The following OMA1 variants were observed in gnomAD, a reference collection of about 807,000 sequenced individuals.
OMA1 encodes the protein metalloendopeptidase OMA1, mitochondrial.
OMA1 carries 38 observed loss-of-function variants against 30.9 expected under a neutral mutation model. The ratio of observed to expected loss-of-function variants is 1.23; its 90% CI spans 0.95 to 1.61. OMA1 has a LOEUF of 1.61. OMA1 is among the 40% of genes most tolerant of loss of function. OMA1 has a pLI of 0.00. For missense variants in OMA1, 461 were observed against 349.2 expected, an observed-to-expected ratio of 1.32 and a Z score of -2.55; for synonymous variants, 173 against 121.9, an observed-to-expected ratio of 1.42 and a Z score of -2.76.
rs2100482681 is a variant in OMA1, at chr1:58,534,327, A to G, written c.734T>C (p.Met245Thr). The change falls in exon 4 of 9, where the codon ATG becomes ACG. Residue 245 changes from methionine (M) to threonine (T), a missense_variant. Met to Thr is a moderately conservative substitution (Grantham distance 81, BLOSUM62 -1). Transcript: ENST00000371226. ...LLSELEYEAW[M>T]EEFKNDMLTE... ...TAGCATATCATTTTTAAATTCTTCCATCCACTGAAAGATTAAAAATTACTT... is the reference window on the plus strand; with the variant it reads ...TAGCATATCATTTTTAAATTCTTCCGTCCACTGAAAGATTAAAAATTACTT... 1.2e-6 allele frequency: 1 copy of G among 844,120 alleles called. No homozygotes were observed. Among genetic ancestry groups the G allele is most frequent in the Non-Finnish European group, 2.0e-6 (1 of 491,840 alleles). 52.3% of individuals were successfully genotyped at this position (844,120 alleles called of 1,614,324 possible).
chr1:58,484,282 A>C (rs1368603900), intron 8 of OMA1, among the ~76,000 whole-genome samples: 2 of 152,120 alleles, frequency 1.3e-5, no homozygotes, highest in Non-Finnish European at 2.9e-5. Flanking sequence ...ACTTTTCTTT[A>C]AAAAAATCTT....
intron 6 of OMA1, among the ~76,000 whole-genome samples, chr1:58,529,497 A>C (rs926104809): frequency 4.6e-5 from 7 of 152,260 alleles, no homozygotes; most frequent in African/African-American, 1.7e-4. Context: ...TAAGCACTAA[A>C]AACAAAAGTT....
chr1:58,489,051 T>A (rs191017037), intron 8 of OMA1, among the ~76,000 whole-genome samples: 27 of 152,204 alleles, frequency 1.8e-4, no homozygotes, highest in Non-Finnish European at 3.4e-4. Context: ...CATTTCCAAC[T>A]GAGGTACTGG....
intron 8 of OMA1, among the ~76,000 whole-genome samples, chr1:58,486,936 T>C (rs1428938927): frequency 1.3e-5 from 2 of 152,214 alleles, no homozygotes; most frequent in Admixed American, 1.3e-4. Context: ...AGCTAGGCAG[T>C]GGCCAAATTA....
intron 8 of OMA1, among the ~76,000 whole-genome samples, chr1:58,494,216 T>C (rs1413392363): frequency 6.6e-6 from 1 of 152,196 alleles, no homozygotes; most frequent in Non-Finnish European, 1.5e-5. Flanking sequence ...GCTAGCCATA[T>C]GGAGAAAGCT....
chr1:58,536,087 G>A (rs1231221089), intron 3 of OMA1, among the ~76,000 whole-genome samples: 1 of 152,150 alleles, frequency 6.6e-6, no homozygotes, highest in Non-Finnish European at 1.5e-5. Context: ...TCTCATGAGT[G>A]CTTTGAAGGA....
At chr1:58,484,785 T>A (rs1645546348) in intron 8 of OMA1, among the ~76,000 whole-genome samples, 1 of 152,152 alleles carries the variant, frequency 6.6e-6, no homozygotes, top group Admixed American at 6.5e-5. Flanking sequence ...CTTAAACGTA[T>A]ATTGCTAAGA....
chr1:58,511,607 T>G (rs1158023879), intron 7 of OMA1, among the ~76,000 whole-genome samples: 1 of 151,890 alleles, frequency 6.6e-6, no homozygotes, highest in African/African-American at 2.4e-5. Context: ...CTAGCCTGGG[T>G]AACAGAGCAA....
chr1:58,528,232 T>C (rs1646381893), intron 6 of OMA1, among the ~76,000 whole-genome samples: 1 of 152,146 alleles, frequency 6.6e-6, no homozygotes, highest in Non-Finnish European at 1.5e-5. Context: ...ATTGATAACA[T>C]AAGGATTTAA....
At chr1:58,507,035 C>G (rs1347780219) in intron 7 of OMA1, among the ~76,000 whole-genome samples, 1 of 151,764 alleles carries the variant, frequency 6.6e-6, no homozygotes, top group Non-Finnish European at 1.5e-5. Context: ...TGTTAACTAC[C>G]CTAAGAATGT....
chr1:58,496,386 G>A (rs894950375), intron 8 of OMA1, among the ~76,000 whole-genome samples: 2 of 152,124 alleles, frequency 1.3e-5, no homozygotes, highest in Admixed American at 6.5e-5. Flanking sequence ...CACTTTCAGT[G>A]CAGTTAAATC....
intron 6 of OMA1, among the ~76,000 whole-genome samples, 194 bp downstream of exon 6, chr1:58,530,407 G>A (rs973743274): frequency 6.6e-6 from 1 of 152,160 alleles, no homozygotes; most frequent in Non-Finnish European, 1.5e-5. Flanking sequence ...TCATTTGAGA[G>A]ATGTAGTATT....
intron 8 of OMA1, among the ~76,000 whole-genome samples, chr1:58,489,241 C>A (rs993740098): frequency 1.3e-5 from 2 of 152,200 alleles, no homozygotes; most frequent in African/African-American, 4.8e-5. Context: ...GTCACTCCCA[C>A]CCTAATACTG....
intron 8 of OMA1, among the ~76,000 whole-genome samples, chr1:58,492,628 C>G (rs1410234723): frequency 6.6e-6 from 1 of 152,172 alleles, no homozygotes; most frequent in Non-Finnish European, 1.5e-5. Context: ...TCAGAGAATA[C>G]TATAAACACC....
At chr1:58,535,558 T>G (rs1646502963) in intron 3 of OMA1, among the ~76,000 whole-genome samples, 1 of 139,258 alleles carries the variant, frequency 7.2e-6, no homozygotes, top group African/African-American at 2.7e-5. Context: ...ATGGCACCAC[T>G]GCAGTACAGC....
intron 8 of OMA1, among the ~76,000 whole-genome samples, chr1:58,482,774 A>T (rs572294043): frequency 6.6e-6 from 1 of 152,162 alleles, no homozygotes; most frequent in Non-Finnish European, 1.5e-5. Context: ...TGCGAGTACA[A>T]GGGAGATGGG....
At chr1:58,542,886 T>A (rs7511732) in intron 1 of OMA1, among the ~76,000 whole-genome samples, 17,692 of 152,148 alleles carry the variant, frequency 0.12, 1,231 homozygotes, top group African/African-American at 0.18. Context: ...CATAAAACAG[T>A]ATTCCGCACA....
chr1:58,495,579 A>G (rs1891435), intron 8 of OMA1, among the ~76,000 whole-genome samples: 17,588 of 134,902 alleles, frequency 0.13, 1,211 homozygotes, highest in Middle Eastern at 0.2. Context: ...ATTTAAACAA[A>G]CAAAACTGTA....
At chr1:58,485,643 AG>A (rs1645564315) in intron 8 of OMA1, among the ~76,000 whole-genome samples, 1 of 151,570 alleles carries the variant, frequency 6.6e-6, no homozygotes, top group South Asian at 2.1e-4. Context: ...TATATATTTC[AG>A]GGCGCCAATG....
Sources: gnomAD v4.1 joint callset for allele counts (sites outside exome capture counted in the v4.1 genomes callset) on GRCh38, gnomAD v4.1.1 for gene constraint, MANE v1.5 for transcripts, NCBI Gene and HGNC (gene_info 2026-07-23, HGNC 2026-07-21) for gene names.